RIT2: variants seen among roughly 807,000 people sequenced by gnomAD.
The protein encoded by RIT2 is GTP-binding protein Rit2.
Under a neutral mutation model 23.7 loss-of-function variants are expected in RIT2, and 24 were observed. The observed-to-expected ratio is 1.01, with a 90% CI of 0.73 to 1.43. The LOEUF is 1.43. Ranked by LOEUF, RIT2 falls within the 40% of genes most tolerant of loss-of-function variation. The pLI, the probability that RIT2 is intolerant of heterozygous loss-of-function variation, is 0.00. For synonymous variants in RIT2, 107 were observed against 91.1 expected (o/e 1.17, Z -0.99); for missense variants, 236 against 266.9 (o/e 0.88, Z 0.81).
At chr18:43,100,780 A>G (rs1913664519) in intron 1 of RIT2, among the ~76,000 whole-genome samples, 2 of 152,102 alleles carry the variant, frequency 1.3e-5, no homozygotes, top group South Asian at 2.1e-4. Flanking sequence ...ATCAATTGAT[A>G]TGAGGGAGGC....
At chr18:43,003,991 C>A (rs193059969) in intron 2 of RIT2, among the ~76,000 whole-genome samples, 46 of 151,748 alleles carry the variant, frequency 3.0e-4, no homozygotes, top group Admixed American at 2.7e-3. Flanking sequence ...GTACTCTATT[C>A]AAAAAATCAG....
At chr18:42,872,318 C>T (rs1263565527) in intron 4 of RIT2, among the ~76,000 whole-genome samples, 4 of 152,170 alleles carry the variant, frequency 2.6e-5, no homozygotes, top group Non-Finnish European at 4.4e-5. Flanking sequence ...TAATTTTTCT[C>T]TCTTTCTTCC....
chr18:42,960,527 C>T (rs1007600232), intron 3 of RIT2, among the ~76,000 whole-genome samples: 2 of 152,096 alleles, frequency 1.3e-5, no homozygotes, highest in African/African-American at 4.8e-5. Flanking sequence ...GTTGGCCAGG[C>T]TGGTATTGAA....
At chr18:42,921,659 A>G (rs949417771) in intron 4 of RIT2, among the ~76,000 whole-genome samples, 10 of 152,120 alleles carry the variant, frequency 6.6e-5, no homozygotes, top group African/African-American at 2.4e-4. Context: ...TTTTGGCCTG[A>G]AAAAATGTTT....
At position 42,856,634 on chromosome 18, in the gene RIT2, C is replaced by G. The variant is rs1472971249; in HGVS notation, c.426+66938G>C. Among the ~76,000 whole-genome samples, 3 of 152,112 alleles carry G rather than the reference C, an allele frequency of 2.0e-5. No individual in the cohort carries two copies. In the East Asian group the frequency reaches 5.8e-4, roughly 29 times the overall value. The stretch of plus-strand genomic sequence containing the variant: ...CAAGACAAACAGTCACAGTACTGTT[C>G]TAACTGGATTCTGCCTTCAATTCTT... On this transcript the variant is annotated intron_variant, in intron 4 of 4. Transcript: ENST00000326695.
intron 4 of RIT2, among the ~76,000 whole-genome samples, chr18:42,911,349 CAGG>C (rs902101691): frequency 6.6e-6 from 1 of 151,590 alleles, no homozygotes. Context: ...AATTTGTAAA[CAGG>C]AGAATAGGAA....
chr18:43,037,801 T>C (rs1912014737), intron 1 of RIT2, among the ~76,000 whole-genome samples: 1 of 152,190 alleles, frequency 6.6e-6, no homozygotes, highest in African/African-American at 2.4e-5. Context: ...TATAAAATAC[T>C]TGTCCTGCAC....
intron 4 of RIT2, among the ~76,000 whole-genome samples, chr18:42,903,488 G>A (rs894721971): frequency 1.3e-5 from 2 of 151,876 alleles, no homozygotes; most frequent in African/African-American, 4.8e-5. Flanking sequence ...CAGTATAAAT[G>A]CATTTTTTAG....
At chr18:42,967,153 C>A (rs934892371) in intron 3 of RIT2, among the ~76,000 whole-genome samples, 6 of 151,770 alleles carry the variant, frequency 4.0e-5, no homozygotes, top group Non-Finnish European at 8.8e-5. Flanking sequence ...GAAATATATC[C>A]TTTATGATAT....
At chr18:43,037,749 A>AT in intron 1 of RIT2, among the ~76,000 whole-genome samples, 1 of 151,972 alleles carries the variant, frequency 6.6e-6, no homozygotes, top group Non-Finnish European at 1.5e-5. Flanking sequence ...ACTTAGAACT[A>AT]TTTTTCTATA....
At chr18:42,907,498 C>G (rs1908653847) in intron 4 of RIT2, among the ~76,000 whole-genome samples, 1 of 152,090 alleles carries the variant, frequency 6.6e-6, no homozygotes. Context: ...GCACAAAGCT[C>G]AAAGCAGAGC....
chr18:42,932,804 C>T (rs547946160), intron 3 of RIT2, among the ~76,000 whole-genome samples: 5 of 152,064 alleles, frequency 3.3e-5, no homozygotes, highest in African/African-American at 7.2e-5. Flanking sequence ...CTTCCTTTGC[C>T]GTGATCTGAA....
At chr18:42,956,179 G>A (rs182098972) in intron 3 of RIT2, among the ~76,000 whole-genome samples, 1 of 152,170 alleles carries the variant, frequency 6.6e-6, no homozygotes, top group Admixed American at 6.6e-5. Context: ...TAACATCCAA[G>A]GATAGATCTA....
At chr18:43,020,105 A>G (rs1408672344) in intron 2 of RIT2, among the ~76,000 whole-genome samples, 3 of 152,148 alleles carry the variant, frequency 2.0e-5, no homozygotes, top group Non-Finnish European at 2.9e-5. Flanking sequence ...TAAAATGGAC[A>G]TATTACCCAA....
intron 3 of RIT2, among the ~76,000 whole-genome samples, chr18:42,929,946 G>A (rs1192816297): frequency 2.6e-5 from 4 of 152,134 alleles, no homozygotes; most frequent in Non-Finnish European, 5.9e-5. Flanking sequence ...ATAGGCCTGC[G>A]CAAAGATGGA....
At chr18:43,086,678 T>C (rs1913290328) in intron 1 of RIT2, among the ~76,000 whole-genome samples, 1 of 151,760 alleles carries the variant, frequency 6.6e-6, no homozygotes, top group Non-Finnish European at 1.5e-5. Flanking sequence ...CCGTGACCAG[T>C]GAAATAAAGC....
chr18:42,875,789 T>C (rs4890411), intron 4 of RIT2, among the ~76,000 whole-genome samples: 15,598 of 152,106 alleles, frequency 0.1, 950 homozygotes, highest in Middle Eastern at 0.25. Flanking sequence ...CCTGTCCTTC[T>C]TTCTGGTGAA....
chr18:43,011,859 G>A (rs1031036098), intron 2 of RIT2, among the ~76,000 whole-genome samples: 1 of 151,800 alleles, frequency 6.6e-6, no homozygotes, highest in African/African-American at 2.4e-5. Flanking sequence ...ATTCAATAAA[G>A]TAGTAATAAT....
intron 4 of RIT2, among the ~76,000 whole-genome samples, chr18:42,829,763 G>A (rs1368738214): frequency 6.6e-6 from 1 of 151,880 alleles, no homozygotes; most frequent in Non-Finnish European, 1.5e-5. Context: ...GGATTAAAAA[G>A]TAATTAAAAA....
Sources: gnomAD v4.1 joint callset for allele counts (sites outside exome capture counted in the v4.1 genomes callset) on GRCh38, gnomAD v4.1.1 for gene constraint, MANE v1.5 for transcripts, NCBI Gene and HGNC (gene_info 2026-07-23, HGNC 2026-07-21) for gene names.